The following LPP variants were observed in gnomAD, a reference collection of about 807,000 sequenced individuals.
LPP encodes lipoma-preferred partner.
LPP carries 38 observed loss-of-function variants against 60.4 expected under a neutral mutation model. That is an observed-to-expected ratio of 0.63 (90% CI 0.49 to 0.83). The LOEUF is 0.83. Among genes scored for constraint, LPP ranks in the 40% least tolerant of loss-of-function variants. The pLI, the probability that LPP is intolerant of heterozygous loss-of-function variation, is 0.00. For synonymous variants in LPP, 328 were observed against 290.8 expected, an observed-to-expected ratio of 1.13 and a Z score of -1.30; for missense variants, 902 against 783.6, an observed-to-expected ratio of 1.15 and a Z score of -1.80.
intron 1 of LPP, among the ~76,000 whole-genome samples, chr3:188,213,698 G>A (rs1347102424): frequency 1.3e-5 from 2 of 151,864 alleles, no homozygotes; most frequent in Admixed American, 1.3e-4. Flanking sequence ...TTGTTCATGT[G>A]AATGTCGTAT....
chr3:188,552,831 C>T (rs2150545466), intron 6 of LPP, among the ~76,000 whole-genome samples: 1 of 152,292 alleles, frequency 6.6e-6, no homozygotes, highest in Middle Eastern at 3.4e-3. Context: ...TTAATCACAT[C>T]TGCAAAGTCT....
chr3:188,783,994 G>T (rs1469487819), intron 9 of LPP, among the ~76,000 whole-genome samples: 2 of 151,990 alleles, frequency 1.3e-5, no homozygotes, highest in Admixed American at 6.6e-5. Flanking sequence ...GTTCTTAGTG[G>T]TGATTTGTGA....
intron 8 of LPP, among the ~76,000 whole-genome samples, chr3:188,754,160 A>T (rs1729362322): frequency 6.6e-6 from 1 of 152,312 alleles, no homozygotes; most frequent in Non-Finnish European, 1.5e-5. Context: ...GAAGAGCCAT[A>T]TGATAAATTC....
chr3:188,467,205 G>T (rs984960150), intron 4 of LPP, among the ~76,000 whole-genome samples: 11 of 151,946 alleles, frequency 7.2e-5, no homozygotes, highest in East Asian at 3.9e-4. Flanking sequence ...TTAAATAGGG[G>T]TTTTTTGTTT....
chr3:188,536,780 G>T (rs1053650203), intron 6 of LPP, among the ~76,000 whole-genome samples: 1 of 152,186 alleles, frequency 6.6e-6, no homozygotes, highest in Non-Finnish European at 1.5e-5. Flanking sequence ...TGTATAGTCA[G>T]ATATATGAAC....
At chr3:188,738,950 A>C (rs1269096852) in intron 8 of LPP, among the ~76,000 whole-genome samples, 1 of 152,148 alleles carries the variant, frequency 6.6e-6, no homozygotes, top group Non-Finnish European at 1.5e-5. Flanking sequence ...TGCATATACC[A>C]ATTTGAAGTC....
chr3:188,194,419 T>G (rs1728978013), intron 1 of LPP, among the ~76,000 whole-genome samples: 1 of 152,156 alleles, frequency 6.6e-6, no homozygotes, highest in Admixed American at 6.5e-5. Flanking sequence ...TTCTGGGTCC[T>G]CTCTCTAGAG....
chr3:188,647,943 G>A (rs978390785), intron 7 of LPP, among the ~76,000 whole-genome samples: 5 of 152,196 alleles, frequency 3.3e-5, no homozygotes, highest in African/African-American at 9.7e-5. Context: ...CAGTTACATC[G>A]TTTGGTCTTA....
intron 4 of LPP, among the ~76,000 whole-genome samples, chr3:188,453,514 G>A (rs185173313): frequency 1.8e-4 from 28 of 152,014 alleles, no homozygotes; most frequent in African/African-American, 5.5e-4. Flanking sequence ...TCCTTCCGAC[G>A]GGATCTGCTT....
intron 9 of LPP, among the ~76,000 whole-genome samples, chr3:188,849,246 C>T (rs1186382252): frequency 1.3e-5 from 2 of 152,112 alleles, no homozygotes; most frequent in Non-Finnish European, 2.9e-5. Context: ...ACCCCTTTGG[C>T]CAGAACAAAG....
At chr3:188,166,899 A>G (rs1014122517) in intron 1 of LPP, among the ~76,000 whole-genome samples, 4 of 152,242 alleles carry the variant, frequency 2.6e-5, no homozygotes, top group African/African-American at 9.6e-5. Context: ...GAAATTAAAA[A>G]AACCACCACC....
chr3:188,551,044 T>A (rs535201444), intron 6 of LPP, among the ~76,000 whole-genome samples: 1 of 152,284 alleles, frequency 6.6e-6, no homozygotes, highest in East Asian at 1.9e-4. Flanking sequence ...TATTAACTCA[T>A]GGAGAGAGAT....
chr3:188,708,143 A>C (rs1865848194), intron 7 of LPP, 124 bp from the exon 8 acceptor site: 1 of 1,018,304 alleles, frequency 9.8e-7, no homozygotes, highest in Non-Finnish European at 1.4e-6. Context: ...TCTAAAACCC[A>C]GGTCTCCTGA....
chr3:188,213,993 C>CACACACAA (rs1479726664), intron 1 of LPP, among the ~76,000 whole-genome samples: 1 of 151,336 alleles, frequency 6.6e-6, no homozygotes, highest in Non-Finnish European at 1.5e-5. Context: ...CACACACACA[C>CACACACAA]ACACACACTT....
intron 7 of LPP, among the ~76,000 whole-genome samples, chr3:188,649,554 T>C (rs967237753): frequency 6.6e-6 from 1 of 151,342 alleles, no homozygotes; most frequent in Non-Finnish European, 1.5e-5. Context: ...CAGGTGAAAC[T>C]CTGAGCTAGG....
chr3:188,863,947 G>A (rs1416972992), intron 9 of LPP, among the ~76,000 whole-genome samples: 1 of 139,630 alleles, frequency 7.2e-6, no homozygotes, highest in Non-Finnish European at 1.5e-5. Flanking sequence ...CTCCATTACA[G>A]GGCTGACTAA....
chr3:188,599,734 A>G (rs891429473), intron 6 of LPP, among the ~76,000 whole-genome samples: 8 of 136,428 alleles, frequency 5.9e-5, no homozygotes, highest in Admixed American at 3.8e-4. Flanking sequence ...GGCAAAAACT[A>G]TCGGGGACTC....
chr3:188,345,305 T>C (rs1764036215), intron 3 of LPP, among the ~76,000 whole-genome samples: 1 of 152,176 alleles, frequency 6.6e-6, no homozygotes, highest in Non-Finnish European at 1.5e-5. Context: ...CATGAAGACA[T>C]GGCACAGAGG....
rs1290882024 is a variant in LPP, at chr3:188,877,447, A to T, written c.*2968A>T. 2.1e-5 allele frequency: 4 copies of T among 186,906 alleles called. No individual in the cohort carries two copies. The highest frequency in any genetic ancestry group is 9.3e-5 in the African/African-American group (4 of 42,830). 11.6% of individuals were successfully genotyped at this position (186,906 alleles called of 1,614,324 possible). A position where few individuals can be genotyped will look rare whatever the true frequency, so the allele number is the denominator to read the frequency against. On this transcript the variant is annotated 3_prime_UTR_variant, in exon 12 of 12. Transcript: ENST00000617246. ...GAAAAGGAAAAAAATCCACTATATC[A>T]TGGGCTCTGCAGAACATATCAAAAT...
Sources: gnomAD v4.1 joint callset for allele counts (sites outside exome capture counted in the v4.1 genomes callset) on GRCh38, gnomAD v4.1.1 for gene constraint, MANE v1.5 for transcripts, NCBI Gene and HGNC (gene_info 2026-07-23, HGNC 2026-07-21) for gene names.